The following PLCB1 variants were observed in gnomAD, a reference collection of about 807,000 sequenced individuals.
PLCB1 encodes the protein phospholipase C beta 1.
PLCB1 carries 46 observed loss-of-function variants against 161.8 expected under a neutral mutation model. The ratio of observed to expected loss-of-function variants is 0.28; its 90% CI spans 0.22 to 0.36. The LOEUF (loss-of-function observed/expected upper bound fraction) is 0.36, where lower values mean the gene tolerates loss of function less well. Ranked by LOEUF, PLCB1 falls within the 10% of genes least tolerant of loss-of-function variation. The pLI is 1.00. For missense variants in PLCB1, 1,016 were observed against 1,472.5 expected (o/e 0.69, Z 5.07); for synonymous variants, 517 against 503.7 (o/e 1.03, Z -0.35).
At chr20:8,674,055 C>T (rs112134862) in intron 9 of PLCB1, among the ~76,000 whole-genome samples, 2 of 152,306 alleles carry the variant, frequency 1.3e-5, no homozygotes, top group Admixed American at 1.3e-4. Flanking sequence ...CTCCCTCCCC[C>T]CTTAAATGGG....
chr20:8,434,314 G>GGTAT (rs3032784), intron 3 of PLCB1, among the ~76,000 whole-genome samples: 91,483 of 151,648 alleles, frequency 0.6, 27,852 homozygotes, highest in East Asian at 0.7. Context: ...CAGATCCTAA[G>GGTAT]GTTTCACATA....
intron 3 of PLCB1, among the ~76,000 whole-genome samples, chr20:8,377,134 G>A (rs577205549): frequency 2.9e-4 from 44 of 152,204 alleles, no homozygotes; most frequent in African/African-American, 1.0e-3. Flanking sequence ...ACAGATAACA[G>A]ATAAGTCCCA....
chr20:8,520,948 C>T (rs1427821473), intron 3 of PLCB1, among the ~76,000 whole-genome samples: 5 of 152,124 alleles, frequency 3.3e-5, no homozygotes, highest in Admixed American at 3.3e-4. Flanking sequence ...TGTCCCTAGG[C>T]AGGGACTATG....
intron 2 of PLCB1, among the ~76,000 whole-genome samples, chr20:8,151,684 T>C (rs2051510102): frequency 6.6e-6 from 1 of 152,206 alleles, no homozygotes; most frequent in Non-Finnish European, 1.5e-5. Context: ...TGGGTGTTTT[T>C]TTCTTCTCCT....
At chr20:8,532,729 A>T (rs922038163) in intron 3 of PLCB1, among the ~76,000 whole-genome samples, 2 of 152,132 alleles carry the variant, frequency 1.3e-5, no homozygotes, top group Non-Finnish European at 2.9e-5. Flanking sequence ...AAGGAGAAGA[A>T]ATGGGCCAGT....
intron 31 of PLCB1, among the ~76,000 whole-genome samples, chr20:8,799,433 A>C (rs2146236618): frequency 6.6e-6 from 1 of 152,234 alleles, no homozygotes; most frequent in Non-Finnish European, 1.5e-5. Flanking sequence ...TTCCACTTCT[A>C]CTTCTGTGTG....
intron 2 of PLCB1, among the ~76,000 whole-genome samples, chr20:8,185,628 A>G (rs2051895345): frequency 6.6e-6 from 1 of 151,748 alleles, no homozygotes; most frequent in Non-Finnish European, 1.5e-5. Context: ...CACTTTAAGG[A>G]AAATGTTTAC....
At chr20:8,252,319 C>T (rs924720645) in intron 2 of PLCB1, among the ~76,000 whole-genome samples, 11 of 151,950 alleles carry the variant, frequency 7.2e-5, no homozygotes, top group African/African-American at 9.7e-5. Context: ...ACCAAAATCT[C>T]TTGGATGTGA....
intron 2 of PLCB1, among the ~76,000 whole-genome samples, chr20:8,220,367 G>C (rs535101902): frequency 4.9e-4 from 74 of 152,300 alleles, no homozygotes; most frequent in Non-Finnish European, 6.3e-4. Flanking sequence ...GGTTTAGTTG[G>C]TTGAATAGTG....
intron 2 of PLCB1, among the ~76,000 whole-genome samples, chr20:8,300,481 A>G (rs1329108095): frequency 2.0e-5 from 3 of 151,996 alleles, no homozygotes; most frequent in Non-Finnish European, 2.9e-5. Context: ...CCTCTCTCCC[A>G]TTTATACTCT....
chr20:8,435,641 G>T (rs1348233103), intron 3 of PLCB1, among the ~76,000 whole-genome samples: 2 of 152,210 alleles, frequency 1.3e-5, no homozygotes, highest in East Asian at 3.9e-4. Flanking sequence ...CAGAGCTCAA[G>T]AAATTGAATT....
intron 26 of PLCB1, among the ~76,000 whole-genome samples, chr20:8,766,626 G>A (rs1014142058): frequency 2.0e-5 from 3 of 152,212 alleles, no homozygotes; most frequent in South Asian, 2.1e-4. Flanking sequence ...TGTATCGAAC[G>A]TGCAATAAGA....
At chr20:8,390,633 A>G (rs1232547645) in intron 3 of PLCB1, among the ~76,000 whole-genome samples, 3 of 152,160 alleles carry the variant, frequency 2.0e-5, no homozygotes, top group African/African-American at 7.2e-5. Context: ...TGTGGATAAA[A>G]CTGCATAGTC....
intron 2 of PLCB1, among the ~76,000 whole-genome samples, chr20:8,156,193 A>G (rs979942735): frequency 2.0e-5 from 3 of 152,176 alleles, no homozygotes; most frequent in Non-Finnish European, 4.4e-5. Flanking sequence ...GTTCCTGGCA[A>G]TTCACACTCA....
intron 2 of PLCB1, among the ~76,000 whole-genome samples, chr20:8,209,707 T>C (rs73897310): frequency 0.025 from 3,875 of 152,230 alleles, 185 homozygotes; most frequent in African/African-American, 0.088. Flanking sequence ...CCAGTGGTCA[T>C]GCTTGTGATC....
chr20:8,319,084 A>G (rs532778708), intron 2 of PLCB1, among the ~76,000 whole-genome samples: 37 of 152,160 alleles, frequency 2.4e-4, no homozygotes, highest in Non-Finnish European at 4.7e-4. Context: ...GCACCCATAC[A>G]CATATGTTTA....
At chr20:8,613,868 T>G (rs1987971863) in intron 3 of PLCB1, among the ~76,000 whole-genome samples, 1 of 151,838 alleles carries the variant, frequency 6.6e-6, no homozygotes, top group Non-Finnish European at 1.5e-5. Context: ...TAGAACCAAA[T>G]ATAAAAAAAT....
At chr20:8,543,075 T>C (rs1169510450) in intron 3 of PLCB1, among the ~76,000 whole-genome samples, 3 of 152,166 alleles carry the variant, frequency 2.0e-5, no homozygotes, top group Non-Finnish European at 4.4e-5. Flanking sequence ...TACCTCCGTA[T>C]TAGCAGTTTA....
intron 31 of PLCB1, chr20:8,880,860 CTTTTTTTTTTT>C (rs55682849): frequency 1.0e-5 from 1 of 99,484 alleles, no homozygotes; most frequent in African/African-American, 4.2e-5. Flanking sequence ...TTCTTTCTTT[CTTTTTTTTTTT>C]TTTTTTTGGT....
Sources: gnomAD v4.1 joint callset for allele counts (sites outside exome capture counted in the v4.1 genomes callset) on GRCh38, gnomAD v4.1.1 for gene constraint, MANE v1.5 for transcripts, NCBI Gene and HGNC (gene_info 2026-07-23, HGNC 2026-07-21) for gene names.